CSMD1: variants seen among roughly 807,000 people sequenced by gnomAD.
CSMD1 encodes the protein CUB and sushi domain-containing protein 1.
In CSMD1, 213 loss-of-function variants were observed where a neutral mutation model predicts 417.5. That is an observed-to-expected ratio of 0.51 (90% CI 0.46 to 0.57). CSMD1 has a LOEUF of 0.57. Among genes scored for constraint, CSMD1 ranks in the 20% least tolerant of loss-of-function variants. The pLI is 0.00. For synonymous variants in CSMD1, 2,862 were observed against 1,736.8 expected, an observed-to-expected ratio of 1.65 and a Z score of -16.11; for missense variants, 6,923 against 4,529.7, an observed-to-expected ratio of 1.53 and a Z score of -15.17.
At chr8:3,039,668 T>A (rs1810957979) in intron 50 of CSMD1, among the ~76,000 whole-genome samples, 1 of 152,112 alleles carries the variant, frequency 6.6e-6, no homozygotes. Context: ...TCGTCTGCAT[T>A]TTACAACCTT....
intron 1 of CSMD1, among the ~76,000 whole-genome samples, chr8:4,686,626 T>C (rs1470857004): frequency 6.6e-6 from 1 of 152,214 alleles, no homozygotes; most frequent in Non-Finnish European, 1.5e-5. Flanking sequence ...TACCTCTTCA[T>C]CAAAGCCATA....
chr8:4,954,524 C>T (rs1235553152), intron 1 of CSMD1, among the ~76,000 whole-genome samples: 4 of 152,218 alleles, frequency 2.6e-5, no homozygotes, highest in Admixed American at 1.3e-4. Flanking sequence ...CTCAATTCAT[C>T]TATAGATTTT....
At chr8:4,946,102 T>G (rs1186010080) in intron 1 of CSMD1, among the ~76,000 whole-genome samples, 1 of 152,154 alleles carries the variant, frequency 6.6e-6, no homozygotes, top group Non-Finnish European at 1.5e-5. Flanking sequence ...CCCAGCTGTC[T>G]CTACGTGGCT....
chr8:3,853,775 C>G (rs534463769), intron 5 of CSMD1, among the ~76,000 whole-genome samples: 2 of 151,402 alleles, frequency 1.3e-5, no homozygotes, highest in African/African-American at 2.4e-5. Context: ...TGCTAAATGA[C>G]GAGTTACTGG....
At chr8:4,124,498 T>A (rs1802654935) in intron 3 of CSMD1, among the ~76,000 whole-genome samples, 1 of 152,198 alleles carries the variant, frequency 6.6e-6, no homozygotes, top group Admixed American at 6.5e-5. Flanking sequence ...AATCACCAAC[T>A]GCCCCTTGAG....
chr8:4,169,354 G>A (rs1453603084), intron 3 of CSMD1, among the ~76,000 whole-genome samples: 1 of 152,018 alleles, frequency 6.6e-6, no homozygotes, highest in Non-Finnish European at 1.5e-5. Context: ...TAGATAAATG[G>A]CGACTGCGTT....
At chr8:3,868,513 C>A (rs965145103) in intron 5 of CSMD1, among the ~76,000 whole-genome samples, 2 of 152,124 alleles carry the variant, frequency 1.3e-5, no homozygotes, top group African/African-American at 2.4e-5. Context: ...CACTTACCAA[C>A]ACCACCAATT....
At chr8:3,792,867 C>G (rs1799827703) in intron 5 of CSMD1, among the ~76,000 whole-genome samples, 1 of 152,114 alleles carries the variant, frequency 6.6e-6, no homozygotes, top group African/African-American at 2.4e-5. Context: ...TTTAAGTCAC[C>G]CTACATACTT....
At chr8:4,498,615 G>A (rs1053926570) in intron 2 of CSMD1, among the ~76,000 whole-genome samples, 2 of 152,252 alleles carry the variant, frequency 1.3e-5, no homozygotes, top group African/African-American at 2.4e-5. Flanking sequence ...AAATAGTGTT[G>A]TCAAGGTAAA....
At chr8:4,406,177 G>A (rs1053135487) in intron 3 of CSMD1, among the ~76,000 whole-genome samples, 71 of 152,322 alleles carry the variant, frequency 4.7e-4, no homozygotes, top group African/African-American at 1.6e-3. Flanking sequence ...GATATGCTGA[G>A]TAGGATTTTT....
At chr8:4,100,522 A>T (rs1198492514) in intron 3 of CSMD1, among the ~76,000 whole-genome samples, 2 of 152,344 alleles carry the variant, frequency 1.3e-5, no homozygotes, top group East Asian at 3.9e-4. Flanking sequence ...AAAAATGGGT[A>T]TCTTATAGAA....
intron 8 of CSMD1, among the ~76,000 whole-genome samples, chr8:3,601,491 G>C (rs1444305659): frequency 6.6e-6 from 1 of 152,148 alleles, no homozygotes. Context: ...ACATACACCA[G>C]GCAGGCCAAT....
chr8:4,466,358 G>A (rs906363553), intron 2 of CSMD1, among the ~76,000 whole-genome samples: 1 of 152,096 alleles, frequency 6.6e-6, no homozygotes, highest in African/African-American at 2.4e-5. Context: ...AGGTTGACAA[G>A]GACTAGCCAT....
intron 1 of CSMD1, among the ~76,000 whole-genome samples, chr8:4,723,765 A>G (rs1200566746): frequency 2.0e-5 from 3 of 148,016 alleles, no homozygotes; most frequent in African/African-American, 5.0e-5. Context: ...TCTAAAATGT[A>G]AATGCAATAT....
intron 3 of CSMD1, among the ~76,000 whole-genome samples, chr8:4,321,359 C>A (rs1799263731): frequency 6.6e-6 from 1 of 152,120 alleles, no homozygotes; most frequent in African/African-American, 2.4e-5. Flanking sequence ...CCCGCGCTGG[C>A]AGTTAAAGCA....
chr8:3,877,747 T>A (rs982066705), intron 5 of CSMD1, among the ~76,000 whole-genome samples: 10 of 152,184 alleles, frequency 6.6e-5, no homozygotes, highest in Non-Finnish European at 1.5e-4. Context: ...CCGTTAATAA[T>A]TCACTTTGAT....
chr8:3,592,373 T>G (rs1263051323), intron 8 of CSMD1, among the ~76,000 whole-genome samples: 1 of 152,130 alleles, frequency 6.6e-6, no homozygotes, highest in African/African-American at 2.4e-5. Flanking sequence ...TTTAAACATT[T>G]TTGCATCTTC....
At chr8:3,013,454 T>C (rs183028832) in intron 52 of CSMD1, among the ~76,000 whole-genome samples, 257 of 152,294 alleles carry the variant, frequency 1.7e-3, no homozygotes, top group African/African-American at 5.7e-3. Flanking sequence ...GTCAGAGTAA[T>C]ATCAAAAATT....
chr8:4,554,222 T>C (rs904975940), intron 2 of CSMD1, among the ~76,000 whole-genome samples: 1 of 152,146 alleles, frequency 6.6e-6, no homozygotes, highest in Non-Finnish European at 1.5e-5. Flanking sequence ...CTGCAACCTA[T>C]GCTTCCCGGG....
Sources: gnomAD v4.1 joint callset for allele counts (sites outside exome capture counted in the v4.1 genomes callset) on GRCh38, gnomAD v4.1.1 for gene constraint, MANE v1.5 for transcripts, NCBI Gene and HGNC (gene_info 2026-07-23, HGNC 2026-07-21) for gene names.